Variants in NEK6 observed in about 807,000 individuals in gnomAD.
The protein encoded by NEK6 is serine/threonine-protein kinase Nek6.
NEK6 carries 27 observed loss-of-function variants against 43.5 expected under a neutral mutation model. That is an observed-to-expected ratio of 0.62 (90% CI 0.46 to 0.86). NEK6 has a LOEUF of 0.86. NEK6 is among the 40% of genes least tolerant of loss of function. The pLI is 0.00. For synonymous variants in NEK6, 167 were observed against 164.1 expected (o/e 1.02, Z -0.14); for missense variants, 318 against 414.4 (o/e 0.77, Z 2.02).
intron 1 of NEK6, among the ~76,000 whole-genome samples, chr9:124,278,943 G>A (rs188570402): frequency 7.9e-5 from 12 of 152,298 alleles, no homozygotes; most frequent in South Asian, 4.1e-4. Flanking sequence ...CCTGTGTACC[G>A]GGGCACTTTG....
upstream of NEK6, chr9:124,257,855 T>G (rs1005856551): frequency 9.3e-7 from 1 of 1,081,026 alleles, no homozygotes; most frequent in African/African-American, 1.7e-5. Context: ...CCCCCGCCCC[T>G]CAAGCTTGCG....
At chr9:124,300,960 A>G (rs1832940733) in intron 1 of NEK6, among the ~76,000 whole-genome samples, 1 of 148,798 alleles carries the variant, frequency 6.7e-6, no homozygotes, top group Admixed American at 6.7e-5. Flanking sequence ...CAGCAGCCAG[A>G]AACAGGGGCC....
chr9:124,318,445 C>T (rs928185863), intron 4 of NEK6, among the ~76,000 whole-genome samples: 1 of 152,118 alleles, frequency 6.6e-6, no homozygotes, highest in South Asian at 2.1e-4. Context: ...CTCTGTTGCC[C>T]AGGCTGTTCT....
chr9:124,287,285 C>T (rs1832208531), intron 1 of NEK6, among the ~76,000 whole-genome samples: 1 of 152,194 alleles, frequency 6.6e-6, no homozygotes, highest in African/African-American at 2.4e-5. Flanking sequence ...CCAGCAGGGG[C>T]CAGCCTGGTT....
chr9:124,315,227 C>G (rs1006922389), intron 4 of NEK6, among the ~76,000 whole-genome samples: 6 of 152,216 alleles, frequency 3.9e-5, no homozygotes, highest in African/African-American at 1.4e-4. Flanking sequence ...CTGGGCAGGC[C>G]TCACAGAGGG....
At chr9:124,315,319 G>A (rs1439365288) in intron 4 of NEK6, among the ~76,000 whole-genome samples, 1 of 152,278 alleles carries the variant, frequency 6.6e-6, no homozygotes, top group Middle Eastern at 3.4e-3. Context: ...GGAGGTTGGG[G>A]AGACAGAAGG....
At chr9:124,314,393 C>T (rs1414970072) in intron 4 of NEK6, among the ~76,000 whole-genome samples, 1 of 152,216 alleles carries the variant, frequency 6.6e-6, no homozygotes, top group South Asian at 2.1e-4. Context: ...GCCTCTGTCT[C>T]TATGTCTGTC....
intron 1 of NEK6, among the ~76,000 whole-genome samples, chr9:124,283,375 C>T (rs1564621074): frequency 6.6e-6 from 1 of 152,344 alleles, no homozygotes; most frequent in East Asian, 1.9e-4. Flanking sequence ...TCCCCACGTC[C>T]TAGGACACAG....
At chr9:124,340,583 C>G (rs1168060825) in intron 8 of NEK6, among the ~76,000 whole-genome samples, 1 of 152,404 alleles carries the variant, frequency 6.6e-6, no homozygotes, top group African/African-American at 2.4e-5. Flanking sequence ...GAAACCCCCC[C>G]AGGCTGTTAG....
intron 7 of NEK6, 119 bp from the exon 8 acceptor site, chr9:124,339,452 T>C: frequency 1.4e-6 from 1 of 739,738 alleles, no homozygotes; most frequent in East Asian, 2.5e-5. Flanking sequence ...GAAGGGCTGC[T>C]CAGAGACCGA....
At chr9:124,265,077 G>A (rs765222131) in intron 1 of NEK6, among the ~76,000 whole-genome samples, 1 of 152,186 alleles carries the variant, frequency 6.6e-6, no homozygotes. Context: ...GGAGACTGGG[G>A]AGCGACTGAT....
At chr9:124,303,551 C>T (rs1359895596) in intron 2 of NEK6, among the ~76,000 whole-genome samples, 4 of 152,160 alleles carry the variant, frequency 2.6e-5, no homozygotes, top group Admixed American at 1.3e-4. Context: ...GACACAGAGG[C>T]GACACGTTGA....
In NEK6 at chr9:124,260,038, C is replaced by T. The variant is rs117344958; in HGVS notation, c.-30+1953C>T. ...GCCGTTCTAGGGGGTGTGAATCTCC[C>T]GTTGGTCTTCTGTGACAGAAAATGC... On this transcript the variant is annotated intron_variant, in intron 1 of 9. Coordinates refer to ENST00000320246, the MANE Select transcript of NEK6 (RefSeq NM_014397.6). Among the ~76,000 whole-genome samples the T allele has an allele frequency of 3.1e-3, 477 of 152,138 alleles. 4 individuals carry two copies. Among genetic ancestry groups the T allele is most frequent in the South Asian group, 0.019 (92 of 4,820 alleles).
At chr9:124,277,584 C>T (rs927000222) in intron 1 of NEK6, among the ~76,000 whole-genome samples, 1 of 152,216 alleles carries the variant, frequency 6.6e-6, no homozygotes. Flanking sequence ...AAAAACCAGG[C>T]CGATGCCTGC....
intron 2 of NEK6, among the ~76,000 whole-genome samples, chr9:124,311,646 C>A (rs1246583686): frequency 6.6e-6 from 1 of 152,166 alleles, no homozygotes; most frequent in Non-Finnish European, 1.5e-5. Flanking sequence ...CTTCACGACA[C>A]CCTAAAAAAG....
chr9:124,340,211 C>T (rs774876446), intron 8 of NEK6, among the ~76,000 whole-genome samples: 4 of 152,014 alleles, frequency 2.6e-5, no homozygotes, highest in Admixed American at 2.0e-4. Flanking sequence ...CCTGCCTGGA[C>T]AAAGGGACAG....
chr9:124,269,565 A>G (rs1339552775), intron 1 of NEK6, among the ~76,000 whole-genome samples: 2 of 151,490 alleles, frequency 1.3e-5, no homozygotes, highest in East Asian at 1.9e-4. Flanking sequence ...TTTAGTAGAG[A>G]TGGGTTTCAC....
chr9:124,326,533 G>A lies in NEK6; in HGVS notation c.514+95G>A. ...CCAGGGTCCTCAGGGGCAGCCCCTT[G>A]AGGAAGTTGGACCGCTCTGTATTCC... On this transcript the variant is annotated intron_variant, in intron 6 of 9. Transcript: ENST00000320246. The surrounding 1 kb of genome is among the most constrained non-coding windows in gnomAD (Gnocchi z 4.5). The A allele has an allele frequency of 4.4e-6, 4 of 906,932 alleles. No individual in the cohort carries two copies. The highest frequency in any genetic ancestry group is 7.1e-6 in the Non-Finnish European group (4 of 565,496). The allele number at this position is 906,932 out of a possible 1,614,324, so 56.2% of individuals were successfully genotyped here.
intron 1 of NEK6, among the ~76,000 whole-genome samples, chr9:124,274,720 G>T (rs180742401): frequency 4.6e-5 from 7 of 152,306 alleles, no homozygotes; most frequent in African/African-American, 1.7e-4. Flanking sequence ...TATTCCACCT[G>T]GACATCTGAT....
Sources: gnomAD v4.1 joint callset for allele counts (sites outside exome capture counted in the v4.1 genomes callset) on GRCh38, gnomAD v4.1.1 for gene constraint, Gnocchi (gnomAD v3.1) non-coding constraint, MANE v1.5 for transcripts, NCBI Gene and HGNC (gene_info 2026-07-23, HGNC 2026-07-21) for gene names.